Variants in PYGL observed in about 807,000 individuals in gnomAD.
The protein encoded by PYGL is glycogen phosphorylase L.
In PYGL, 90 loss-of-function variants were observed where a neutral mutation model predicts 100.1. That is an observed-to-expected ratio of 0.90 (90% CI 0.76 to 1.07). The LOEUF (loss-of-function observed/expected upper bound fraction) is 1.07, where lower values mean the gene tolerates loss of function less well. Among genes scored for constraint, PYGL ranks in the 50% least tolerant of loss-of-function variants. The pLI is 0.00. For missense variants in PYGL, 1,016 were observed against 1,057.6 expected (o/e 0.96, Z 0.55); for synonymous variants, 373 against 393.0 (o/e 0.95, Z 0.60).
intron 18 of PYGL, 146 bp from the exon 19 acceptor site, chr14:50,908,483 A>G (rs1460489101): frequency 2.4e-6 from 2 of 829,376 alleles, no homozygotes; most frequent in South Asian, 1.5e-5. Context: ...AAGACTTTTA[A>G]CCAGCCCTCA....
At position 50,911,990 on chromosome 14, in the gene PYGL, G is replaced by T; in HGVS notation, c.1815C>A (p.Ile605=). The T allele has an allele frequency of 6.2e-7, 1 of 1,613,880 alleles. No individual in the cohort carries two copies. The highest frequency in any genetic ancestry group is 8.5e-7 in the Non-Finnish European group (1 of 1,179,744). Residue 605 remains isoleucine (I), a synonymous_variant, in exon 15 of 20, where the codon ATC becomes ATA. Transcript: ENST00000216392. ...PKKLFVPRTV[I]IGGKAAPGYH... is the part of the protein sequence containing the mutation. ...AGATTCAACTTACTTTACCACCAATGATAACTGTCCTTGGCACGAATAACT... is the reference window on the plus strand; with the variant it reads ...AGATTCAACTTACTTTACCACCAATTATAACTGTCCTTGGCACGAATAACT...
Position 50,914,755 on chromosome 14 carries a change from A to G in PYGL, c.1464T>C (p.Thr488=). The change falls in exon 12 of 20, where the codon ACT becomes ACC. Residue 488 remains threonine (T), a synonymous_variant. Transcript: ENST00000216392. ...TGCAGAGTAGGAGCCAGCGCCTTGGAGTGATCCCATTGGTTTTATTCTGAA... is the reference window on the plus strand; with the variant it reads ...TGCAGAGTAGGAGCCAGCGCCTTGGGGTGATCCCATTGGTTTTATTCTGAA... ...DKFQNKTNGI[T]PRRWLLLCNP... 3.1e-6 allele frequency: 5 copies of G among 1,614,000 alleles called. No homozygotes were observed. Among genetic ancestry groups the G allele is most frequent in the Non-Finnish European group, 4.2e-6 (5 of 1,179,960 alleles).
At chr14:50,938,803 A>G (rs1347370549) in intron 1 of PYGL, among the ~76,000 whole-genome samples, 2 of 152,250 alleles carry the variant, frequency 1.3e-5, no homozygotes, top group Non-Finnish European at 2.9e-5. Context: ...CATGAACCTC[A>G]TGAATAAAGC....
chr14:50,944,050 G>A, intron 1 of PYGL, 111 bp downstream of exon 1: 1 of 1,378,494 alleles, frequency 7.3e-7, no homozygotes, highest in Non-Finnish European at 9.9e-7. Flanking sequence ...TCGGGGCAAG[G>A]ACCGGGTGCA....
chr14:50,922,722 C>T (rs2050513224), intron 5 of PYGL, among the ~76,000 whole-genome samples: 1 of 152,240 alleles, frequency 6.6e-6, no homozygotes, highest in Non-Finnish European at 1.5e-5. Context: ...AGCCTGGCCA[C>T]TTGCTCAGAG....
rs374360647 is a variant in PYGL, at chr14:50,914,823, T to C, written c.1404-8A>G. The C allele has an allele frequency of 4.6e-5, 73 of 1,598,342 alleles. No homozygotes were observed. In the African/African-American group the frequency reaches 8.3e-4, roughly 18 times the overall value. ...TCACTGAAGTCCTTGAATCTGGAGA[T>C]GGAGGAGACACATCACTGAATTTGG... On this transcript the variant is annotated splice_region_variant and splice_polypyrimidine_tract_variant and intron_variant, in intron 11 of 19. Coordinates refer to ENST00000216392, the MANE Select transcript of PYGL (RefSeq NM_002863.5).
intron 5 of PYGL, 192 bp from the exon 6 acceptor site, chr14:50,921,259 C>G: frequency 6.8e-6 from 4 of 590,590 alleles, no homozygotes; most frequent in Non-Finnish European, 1.2e-5. Context: ...TCCTCCCCGA[C>G]CTGGTACAAT....
Position 50,916,735 on chromosome 14 carries a change from C to T in PYGL, c.1000-1G>A, listed in dbSNP as rs1465604814. 2 of 1,613,252 alleles carry T rather than the reference C, an allele frequency of 1.2e-6. No homozygotes were observed. Among genetic ancestry groups the T allele is most frequent in the East Asian group, 2.2e-5 (1 of 44,872 alleles). On this transcript the variant is annotated splice_acceptor_variant, in intron 8 of 19. Transcript: ENST00000216392. LOFTEE classifies it high-confidence loss of function. Reference sequence around the variant, plus strand: ...GAGTGTCATTCAGCTGGATGGCCACCTGGGTGGGGAAAGACATCAACATGA... The same window carrying T: ...GAGTGTCATTCAGCTGGATGGCCACTTGGGTGGGGAAAGACATCAACATGA...
intron 11 of PYGL, chr14:50,915,109 G>T: frequency 1.5e-6 from 1 of 647,018 alleles, no homozygotes; most frequent in Non-Finnish European, 2.6e-6. Flanking sequence ...TTGTTTGTTT[G>T]TTTTGGCTCC....
In PYGL at chr14:50,912,164, A is replaced by G. The variant is rs149923860; in HGVS notation, c.1760T>C (p.Met587Thr). ...QLLNCLHVIT[M>T]YNRIKKDPKK... ...CTACAGGGCTGACTCACGGTTGTAC[A>G]TCGTGATCACATGCAGACAGTTCAA... The change falls in exon 14 of 20, where the codon ATG becomes ACG. Residue 587 changes from methionine (M) to threonine (T), a missense_variant. Coordinates refer to ENST00000216392, the MANE Select transcript of PYGL (RefSeq NM_002863.5). 16 of 1,614,210 alleles carry G rather than the reference A, an allele frequency of 9.9e-6. No homozygotes were observed. The highest frequency in any genetic ancestry group is 1.3e-5 in the Non-Finnish European group (15 of 1,180,046).
intron 5 of PYGL, 96 bp from the exon 6 acceptor site, chr14:50,921,163 T>C: frequency 1.0e-6 from 1 of 965,038 alleles, no homozygotes; most frequent in Non-Finnish European, 1.7e-6. Context: ...ATTCTATTCC[T>C]GGCTCCATTA....
intron 1 of PYGL, among the ~76,000 whole-genome samples, chr14:50,943,444 G>C (rs548121460): frequency 3.2e-4 from 49 of 152,388 alleles, no homozygotes; most frequent in African/African-American, 1.1e-3. Flanking sequence ...CAGCAGCTCT[G>C]GGGGCAGGCC....
At chr14:50,919,230 G>T (rs1414612881) in intron 7 of PYGL, among the ~76,000 whole-genome samples, 1 of 152,174 alleles carries the variant, frequency 6.6e-6, no homozygotes, top group Non-Finnish European at 1.5e-5. Flanking sequence ...ACTGGGTTTA[G>T]GTTGGCAGTA....
intron 1 of PYGL, among the ~76,000 whole-genome samples, chr14:50,940,038 G>C (rs1462831799): frequency 3.3e-5 from 5 of 152,170 alleles, no homozygotes; most frequent in East Asian, 1.9e-4. Flanking sequence ...CAAGTTGTTT[G>C]AATGTCTATA....
intron 19 of PYGL, among the ~76,000 whole-genome samples, chr14:50,906,477 G>A (rs1383706742): frequency 1.3e-5 from 2 of 152,202 alleles, no homozygotes; most frequent in Non-Finnish European, 2.9e-5. Context: ...TATGGGTCAT[G>A]TTTACTAAGT....
chr14:50,912,268 C>T lies in PYGL; in HGVS notation c.1656G>A (p.Thr552=), dbSNP rs376165151. The change falls in exon 14 of 20, where the codon ACG becomes ACA. Residue 552 remains threonine (T), a synonymous_variant. Coordinates refer to ENST00000216392, the MANE Select transcript of PYGL (RefSeq NM_002863.5). The part of the protein sequence containing the change: ...NKLKFSQFLE[T]EYKVKINPSS... ...ATGGGTTGATCTTCACTTTGTACTC[C>T]GTCTCCAGGAACTGAGAAAACTTCA... The T allele has an allele frequency of 4.2e-5, 67 of 1,614,108 alleles. No homozygotes were observed. The African/African-American group carries it at 5.9e-4, about 14-fold the overall frequency.
chr14:50,912,381 CGG>C (rs2050408004), intron 13 of PYGL, 78 bp from the exon 14 acceptor site: 1 of 1,540,750 alleles, frequency 6.5e-7, no homozygotes, highest in Non-Finnish European at 8.9e-7. Flanking sequence ...TTTTTTGAGA[CGG>C]AGTCTCACTC....
At chr14:50,930,927 A>AT (rs72116223) in intron 4 of PYGL, among the ~76,000 whole-genome samples, 9,075 of 152,204 alleles carry the variant, frequency 0.06, 394 homozygotes, top group African/African-American at 0.12. Flanking sequence ...GTTACCAGAG[A>AT]TAAAAAAAAA....
rs376845820 is a variant in PYGL at position 50,944,144 on chromosome 14, G to A, written c.243+17C>T. ...ACTCCGGGCTGGACCCCGGCCCGCC[G>A]TCCCGCCCCCGGTTACCTTGGGGCA... On this transcript the variant is annotated intron_variant, in intron 1 of 19. Transcript: ENST00000216392. The A allele has an allele frequency of 5.0e-6, 8 of 1,593,724 alleles. No homozygotes were observed. In the East Asian group the frequency reaches 1.8e-4, roughly 36 times the overall value.
Sources: gnomAD v4.1 joint callset for allele counts (sites outside exome capture counted in the v4.1 genomes callset) on GRCh38, gnomAD v4.1.1 for gene constraint, MANE v1.5 for transcripts, NCBI Gene and HGNC (gene_info 2026-07-23, HGNC 2026-07-21) for gene names.